Variants in LAMB3 observed in about 807,000 individuals in gnomAD.
The protein encoded by LAMB3 is laminin subunit beta-3.
LAMB3 carries 104 observed loss-of-function variants against 140.3 expected under a neutral mutation model. That is an observed-to-expected ratio of 0.74 (90% confidence interval 0.63 to 0.87). The LOEUF (loss-of-function observed/expected upper bound fraction) is 0.87, where lower values mean the gene tolerates loss of function less well. Among genes scored for constraint, LAMB3 ranks in the 40% least tolerant of loss-of-function variants. The probability of loss-of-function intolerance (pLI) is 0.00; values close to 1 mark genes in which losing one functional copy is unlikely to be tolerated. For missense variants in LAMB3, 1,531 were observed against 1,575.2 expected, an observed-to-expected ratio of 0.97 and a Z score of 0.47; for synonymous variants, 592 against 602.9, an observed-to-expected ratio of 0.98 and a Z score of 0.26.
At position 209,615,300 on chromosome 1, in the gene LAMB3, G is replaced by T. The variant is rs540971405; in HGVS notation, c.3490C>A (p.Arg1164Ser). Residue 1164 changes from arginine (R) to serine (S), a missense_variant, in exon 23 of 23, where the codon CGC (arginine) becomes AGC (serine). Coordinates refer to ENST00000356082, the MANE Select transcript of LAMB3 (RefSeq NM_000228.3). ...VEQIRDHING[R>S]VLYYATCK ...TTGCAGGTGGCATAGTAGAGCACGC[G>T]CCCATTGATGTGGTCACGGATCTGC... The T allele has an allele frequency of 1.2e-6, 2 of 1,614,120 alleles. No homozygotes were observed. Among genetic ancestry groups the T allele is most frequent in the Non-Finnish European group, 8.5e-7 (1 of 1,180,010 alleles).
At position 209,629,709 on chromosome 1, in the gene LAMB3, A is replaced by T. The variant is rs1256100498; in HGVS notation, c.1132+28T>A. On this transcript the variant is annotated intron_variant, in intron 10 of 22. Coordinates refer to ENST00000356082, the MANE Select transcript of LAMB3 (RefSeq NM_000228.3). ...AGATGGGGAGTAACAGACAAATGACACTCTGGGACTCCGGAGCCTCTACTC... is the reference window on the plus strand; with the variant it reads ...AGATGGGGAGTAACAGACAAATGACTCTCTGGGACTCCGGAGCCTCTACTC... 5.0e-6 allele frequency: 8 copies of T among 1,607,054 alleles called. No individual in the cohort carries two copies. In the African/African-American group the frequency reaches 8.0e-5, roughly 16 times the overall value.
Position 209,622,987 on chromosome 1 carries a change from G to A in LAMB3, c.2551C>T (p.Gln851Ter), listed in dbSNP as rs1571804630. ...CCCGCCTCGGCTGCACTTACCATCTGCCTGGTCCGCTGGAGCTGGGCATTG... is the reference window on the plus strand; with the variant it reads ...CCCGCCTCGGCTGCACTTACCATCTACCTGGTCCGCTGGAGCTGGGCATTG... ...GFNAQLQRTR[Q>*]MIRAAEESAS... Residue 851 changes from glutamine to a stop codon, truncating the protein, a stop_gained, in exon 17 of 23, where the codon CAG becomes TAG. Coordinates refer to ENST00000356082, the MANE Select transcript of LAMB3 (RefSeq NM_000228.3). LOFTEE classifies it high-confidence loss of function. The A allele has an allele frequency of 6.2e-7, 1 of 1,613,106 alleles. No homozygotes were observed.
At chr1:209,630,173 C>T (rs1666627064) in intron 9 of LAMB3, among the ~76,000 whole-genome samples, 1 of 152,172 alleles carries the variant, frequency 6.6e-6, no homozygotes, top group Non-Finnish European at 1.5e-5. Flanking sequence ...GAACAGTGGC[C>T]ATGTTGGGCC....
chr1:209,630,453 T>C (rs1441708176), intron 9 of LAMB3, 162 bp downstream of exon 9: 2 of 829,256 alleles, frequency 2.4e-6, no homozygotes, highest in African/African-American at 3.4e-5. Context: ...ACTCTCTCCA[T>C]CCTCACAGAG....
intron 12 of LAMB3, 77 bp downstream of exon 12, chr1:209,627,306 T>TGGAGGGGCAGC: frequency 8.2e-7 from 1 of 1,213,884 alleles, no homozygotes; most frequent in African/African-American, 1.5e-5. Context: ...AAGGGCAGCA[T>TGGAGGGGCAGC]GGAGGGGCAG....
chr1:209,631,931 G>A (rs76708050), intron 8 of LAMB3, among the ~76,000 whole-genome samples: 13,390 of 152,234 alleles, frequency 0.088, 708 homozygotes, highest in Middle Eastern at 0.16. Flanking sequence ...CAGCTGTCAC[G>A]CTCCCATGTT....
At chr1:209,617,656 T>C (rs1273571009) in intron 20 of LAMB3, 70 bp from the exon 21 acceptor site, 1 of 1,569,556 alleles carries the variant, frequency 6.4e-7, no homozygotes, top group East Asian at 2.2e-5. Flanking sequence ...CCCCATTTTT[T>C]CTCCAACTCA....
intron 5 of LAMB3, 75 bp from the exon 6 acceptor site, chr1:209,634,713 G>T (rs374553722): frequency 3.2e-6 from 4 of 1,266,176 alleles, no homozygotes; most frequent in Non-Finnish European, 4.5e-6. Flanking sequence ...AGAGAGACAG[G>T]CTCCTCCAGT....
Position 209,637,968 on chromosome 1 carries a change from G to C in LAMB3, c.312C>G (p.Val104=). Residue 104 remains valine, a synonymous_variant, in exon 5 of 23, where the codon GTC becomes GTG. Transcript: ENST00000356082. ...WWQSQNDVNP[V]SLQLDLDRRF... ...TCCTGTCCAGGTCCAGCTGCAGAGA[G>C]ACAGGGTTCACATCTGGAAGGACAA... 1 of 1,613,086 alleles carries C rather than the reference G, an allele frequency of 6.2e-7. No homozygotes were observed. Among genetic ancestry groups the C allele is most frequent in the South Asian group, 1.1e-5 (1 of 90,864 alleles).
chr1:209,634,408 T>A lies in LAMB3; in HGVS notation c.564+39A>T, dbSNP rs1479548766. ...GTGTGAACAGTGGGACATCAGGGATTTCTCCCCAGGCCTACTTTTCAGGAT... is the reference window on the plus strand; with the variant it reads ...GTGTGAACAGTGGGACATCAGGGATATCTCCCCAGGCCTACTTTTCAGGAT... On this transcript the variant is annotated intron_variant, in intron 6 of 22. Coordinates refer to ENST00000356082, the MANE Select transcript of LAMB3 (RefSeq NM_000228.3). The A allele has an allele frequency of 3.8e-6, 6 of 1,595,714 alleles. No individual in the cohort carries two copies. In the Admixed American group the frequency reaches 1.0e-4, roughly 27 times the overall value.
At chr1:209,651,273 C>G in intron 1 of LAMB3, 2 of 410,652 alleles carry the variant, frequency 4.9e-6, no homozygotes, top group East Asian at 5.2e-5. Context: ...CTGCCCTACC[C>G]CACACAGCCG....
intron 3 of LAMB3, among the ~76,000 whole-genome samples, chr1:209,643,350 C>T (rs2076487963): frequency 6.6e-6 from 1 of 152,216 alleles, no homozygotes; most frequent in Non-Finnish European, 1.5e-5. Context: ...GCTGCAGCTG[C>T]CTCCCTCTCT....
intron 3 of LAMB3, among the ~76,000 whole-genome samples, chr1:209,641,433 A>T (rs2076468367): frequency 6.6e-6 from 1 of 152,250 alleles, no homozygotes; most frequent in Non-Finnish European, 1.5e-5. Flanking sequence ...CAAAGAGGCA[A>T]CATGACTTTG....
chr1:209,625,591 G>A, intron 14 of LAMB3, 57 bp downstream of exon 14: 1 of 1,603,424 alleles, frequency 6.2e-7, no homozygotes, highest in Non-Finnish European at 8.5e-7. Flanking sequence ...AGCATGCCCG[G>A]TACTGGAACC....
chr1:209,644,033 C>G (rs1010348914), intron 3 of LAMB3, among the ~76,000 whole-genome samples: 1 of 152,168 alleles, frequency 6.6e-6, no homozygotes, highest in Admixed American at 6.5e-5. Flanking sequence ...CAGATGCTAT[C>G]CTGGAGAAAC....
chr1:209,618,013 T>C lies in LAMB3; in HGVS notation c.2945A>G (p.Asp982Gly), dbSNP rs140769823. The C allele has an allele frequency of 1.9e-3, 3,015 of 1,614,150 alleles. 7 individuals are homozygous for C. The highest frequency in any genetic ancestry group is 2.3e-3 in the Non-Finnish European group (2,673 of 1,180,020). ...RAHAVEGQVE[D>G]VVGNLRQGTV... ...CCCCTGCCGCAGGTTCCCAACCACA[T>C]CTTCCACCTGGCCCTCCACTGCATG... The change falls in exon 20 of 23, where the codon GAT becomes GGT. Residue 982 changes from aspartate to glycine, a missense_variant. Physicochemically the swap from Asp to Gly is moderately conservative, Grantham distance 94. Coordinates refer to ENST00000356082, the MANE Select transcript of LAMB3 (RefSeq NM_000228.3).
rs764412477 is a variant in LAMB3, at chr1:209,629,885, G to A, written c.984C>T (p.Asp328=). The A allele has an allele frequency of 1.9e-6, 3 of 1,614,188 alleles. No individual in the cohort carries two copies. The highest frequency in any genetic ancestry group is 2.2e-5 in the South Asian group (2 of 91,082). ...CCTGGCTGGCGGCAAACACAGCGGG[G>A]TCAAAGTGACATGTCTCTGAGTGCC... ...CNGHSETCHF[D]PAVFAASQGA... Residue 328 remains aspartate (D), a synonymous_variant, in exon 10 of 23, where the codon GAC becomes GAT. Coordinates refer to ENST00000356082, the MANE Select transcript of LAMB3 (RefSeq NM_000228.3).
At position 209,652,191 on chromosome 1, in the gene LAMB3, T is replaced by C. The variant is rs924823577; in HGVS notation, c.-38+178A>G. 19 of 152,194 alleles carry C rather than the reference T, an allele frequency of 1.2e-4. 2 individuals carry two copies. The highest frequency in any genetic ancestry group is 6.5e-5 in the Admixed American group (1 of 15,278). 9.4% of individuals were successfully genotyped at this position (152,194 alleles called of 1,614,324 possible). Reference sequence around the variant, plus strand: ...CCTGCTTTCTTCTAAGCCACTGAGGTGCTTATCAAATGTGAAAAAGAAATC... The same window carrying C: ...CCTGCTTTCTTCTAAGCCACTGAGGCGCTTATCAAATGTGAAAAAGAAATC... On this transcript the variant is annotated intron_variant, in intron 1 of 22. Coordinates refer to ENST00000356082, the MANE Select transcript of LAMB3 (RefSeq NM_000228.3).
chr1:209,637,550 T>C (rs373360522), intron 5 of LAMB3, among the ~76,000 whole-genome samples: 16 of 151,846 alleles, frequency 1.1e-4, no homozygotes, highest in African/African-American at 3.4e-4. Flanking sequence ...TCTTGGCTGC[T>C]TGTTAAAGTC....
Sources: gnomAD v4.1 joint callset for allele counts (sites outside exome capture counted in the v4.1 genomes callset) on GRCh38, gnomAD v4.1.1 for gene constraint, MANE v1.5 for transcripts, NCBI Gene and HGNC (gene_info 2026-07-23, HGNC 2026-07-21) for gene names.